SETD7: variants seen among roughly 807,000 people sequenced by gnomAD.
SETD7 encodes the protein SET domain containing 7, histone lysine methyltransferase.
Under a neutral mutation model 41.8 loss-of-function variants are expected in SETD7, and 16 were observed. The ratio of observed to expected loss-of-function variants is 0.38; its 90% CI spans 0.26 to 0.58. The LOEUF is 0.58. Ranked by LOEUF, SETD7 falls within the 20% of genes least tolerant of loss-of-function variation. SETD7 has a pLI of 0.64. For missense variants in SETD7, 346 were observed against 459.7 expected, an observed-to-expected ratio of 0.75 and a Z score of 2.26; for synonymous variants, 163 against 169.7, an observed-to-expected ratio of 0.96 and a Z score of 0.31.
rs117872700 is a variant in SETD7 at position 139,537,289 on chromosome 4, T to A, written c.171-3923A>T. 2.0e-3 allele frequency among the ~76,000 whole-genome samples: 307 copies of A among 152,302 alleles called. 5 individuals are homozygous for A. The East Asian group carries it at 0.055, about 27-fold the overall frequency. The stretch of plus-strand genomic sequence containing the variant: ...CGCGCCTGGCTGCACCACTGCCCTC[T>A]AACCTGGGCAACAGAGCGAGACTTG... On this transcript the variant is annotated intron_variant, in intron 2 of 7. Transcript: ENST00000274031.
chr4:139,535,360 A>G (rs144279614), intron 2 of SETD7, among the ~76,000 whole-genome samples: 39 of 152,320 alleles, frequency 2.6e-4, no homozygotes, highest in Non-Finnish European at 5.3e-4. Context: ...GCAAATTCCA[A>G]TTTAACTGGG....
intron 7 of SETD7, among the ~76,000 whole-genome samples, chr4:139,498,917 C>A (rs1726517126): frequency 6.6e-6 from 1 of 152,228 alleles, no homozygotes; most frequent in East Asian, 1.9e-4. Flanking sequence ...TGGAGACCAG[C>A]CTGGCCAACA....
intron 2 of SETD7, among the ~76,000 whole-genome samples, chr4:139,538,470 C>G (rs1727699472): frequency 6.6e-6 from 1 of 152,134 alleles, no homozygotes; most frequent in South Asian, 2.1e-4. Context: ...GCTGGGATTA[C>G]AGGTGTGTGC....
intron 6 of SETD7, 140 bp downstream of exon 6, chr4:139,520,137 G>A (rs1727139645): frequency 1.3e-5 from 7 of 538,454 alleles, no homozygotes; most frequent in Non-Finnish European, 2.3e-5. Context: ...AAAATAAAGA[G>A]GATGAAAATG....
chr4:139,500,044 A>G (rs1030168112), intron 7 of SETD7, among the ~76,000 whole-genome samples: 8 of 152,158 alleles, frequency 5.3e-5, no homozygotes, highest in Non-Finnish European at 8.8e-5. Context: ...TCATCATTCT[A>G]AAGGCTCTTG....
rs1727408909 is a variant in SETD7, at chr4:139,529,070, T to C, written c.523A>G (p.Thr175Ala). 1.9e-6 allele frequency: 3 copies of C among 1,614,050 alleles called. No homozygotes were observed. The highest frequency in any genetic ancestry group is 2.5e-6 in the Non-Finnish European group (3 of 1,179,980). The change falls in exon 4 of 8, where the codon ACT (threonine) becomes GCT (alanine). Residue 175 changes from threonine to alanine, a missense_variant. Thr to Ala is a moderately conservative substitution (Grantham distance 58). Around this residue, in one of 3 missense-constraint regions of SETD7, gnomAD observed 266 missense variants for 377.0 expected, o/e 0.71. Coordinates refer to ENST00000274031, the MANE Select transcript of SETD7 (RefSeq NM_030648.4). ...IEGKLATLMS[T>A]EEGRPHFELM... ...TCAAAGTGAGGCCTCCCTTCTTCAG[T>C]GGACATAAGGGTAGCCAGTTTGCCT...
chr4:139,524,314 C>T (rs939784627), intron 4 of SETD7, among the ~76,000 whole-genome samples: 3 of 152,200 alleles, frequency 2.0e-5, no homozygotes, highest in Non-Finnish European at 4.4e-5. Flanking sequence ...AGTGTCCGCA[C>T]AGAAACGGAC....
chr4:139,497,600 T>G (rs922007189), intron 7 of SETD7, among the ~76,000 whole-genome samples: 1 of 151,908 alleles, frequency 6.6e-6, no homozygotes, highest in Admixed American at 6.6e-5. Context: ...TTTTTTTGTT[T>G]TTTTTTTAGA....
intron 6 of SETD7, among the ~76,000 whole-genome samples, chr4:139,518,744 C>T (rs1288577007): frequency 6.6e-6 from 1 of 152,154 alleles, no homozygotes; most frequent in African/African-American, 2.4e-5. Context: ...AGTCCTCCAC[C>T]TTTGTTACAG....
At position 139,507,385 on chromosome 4, in the gene SETD7, C is replaced by G. The variant is rs1726734752; in HGVS notation, c.*4278G>C. ...CTACGAGCTCTCTCCACGTCAGGTGCAACAACGCCGAGGAAGTTGCTGAGA... is the reference window on the plus strand; with the variant it reads ...CTACGAGCTCTCTCCACGTCAGGTGGAACAACGCCGAGGAAGTTGCTGAGA... On this transcript the variant is annotated 3_prime_UTR_variant, in exon 8 of 8. Coordinates refer to ENST00000274031, the MANE Select transcript of SETD7 (RefSeq NM_030648.4). The G allele has an allele frequency of 6.6e-6, 1 of 152,542 alleles. No individual in the cohort carries two copies. Among genetic ancestry groups the G allele is most frequent in the Admixed American group, 6.5e-5 (1 of 15,288 alleles). The allele number at this position is 152,542 out of a possible 1,614,324, so 9.4% of individuals were successfully genotyped here. A position where few individuals can be genotyped will look rare whatever the true frequency, so the allele number is the denominator to read the frequency against.
intron 2 of SETD7, among the ~76,000 whole-genome samples, chr4:139,541,533 G>A (rs1437714499): frequency 3.3e-5 from 5 of 152,082 alleles, no homozygotes; most frequent in African/African-American, 9.7e-5. Flanking sequence ...CCTTTATCTC[G>A]GGACCGAGTG....
chr4:139,508,136 TA>T lies in SETD7; in HGVS notation c.*3526del, dbSNP rs1280673142. ...TCACTGTTCACAATTAATGCAATTTTAATAGTTATATTTAAATGTTAAAAAT... is the reference window on the plus strand; with the variant it reads ...TCACTGTTCACAATTAATGCAATTTTATAGTTATATTTAAATGTTAAAAAT... On this transcript the variant is annotated 3_prime_UTR_variant, in exon 8 of 8. Coordinates refer to ENST00000274031, the MANE Select transcript of SETD7 (RefSeq NM_030648.4). The T allele has an allele frequency of 6.6e-6, 1 of 152,220 alleles. No individual in the cohort carries two copies. Among genetic ancestry groups the T allele is most frequent in the African/African-American group, 2.4e-5 (1 of 41,454 alleles). 9.4% of individuals were successfully genotyped at this position (152,220 alleles called of 1,614,324 possible). A position where few individuals can be genotyped will look rare whatever the true frequency, so the allele number is the denominator to read the frequency against.
intron 2 of SETD7, among the ~76,000 whole-genome samples, chr4:139,535,920 C>T (rs928915344): frequency 3.9e-5 from 6 of 152,092 alleles, no homozygotes; most frequent in African/African-American, 4.8e-5. Context: ...ATAAAATATA[C>T]GTTTCTTAGA....
chr4:139,529,325 T>A, intron 3 of SETD7, 105 bp from the exon 4 acceptor site: 1 of 839,868 alleles, frequency 1.2e-6, no homozygotes, highest in Non-Finnish European at 1.8e-6. Context: ...ATAGCACCAG[T>A]AGGGATAATA....
At chr4:139,525,157 T>C (rs767521255) in intron 4 of SETD7, among the ~76,000 whole-genome samples, 1 of 152,192 alleles carries the variant, frequency 6.6e-6, no homozygotes. Flanking sequence ...GTGGAATGTA[T>C]GTTCTATTGA....
chr4:139,551,446 G>A (rs190632156), intron 1 of SETD7, among the ~76,000 whole-genome samples: 1 of 152,312 alleles, frequency 6.6e-6, no homozygotes, highest in East Asian at 1.9e-4. Flanking sequence ...TTTATTCTAT[G>A]GTCATTATCT....
downstream of SETD7, among the ~76,000 whole-genome samples, chr4:139,501,551 CA>C (rs1726576005): frequency 6.6e-6 from 1 of 151,108 alleles, no homozygotes; most frequent in South Asian, 2.1e-4. Context: ...CTCCATGTAA[CA>C]AAAAACCACT....
chr4:139,541,935 A>C (rs1727789332), intron 2 of SETD7, among the ~76,000 whole-genome samples: 1 of 152,166 alleles, frequency 6.6e-6, no homozygotes, highest in Admixed American at 6.6e-5. Flanking sequence ...AGGTATGTGC[A>C]CTCCCATGTT....
At chr4:139,513,051 G>A in intron 7 of SETD7, among the ~76,000 whole-genome samples, 1 of 152,016 alleles carries the variant, frequency 6.6e-6, no homozygotes, top group East Asian at 1.9e-4. Context: ...GAGCCACTGT[G>A]CCCAGTTTAT....
Sources: allele counts gnomAD v4.1 joint callset (sites outside exome capture counted in the v4.1 genomes callset), GRCh38; gene constraint gnomAD v4.1.1; regional missense constraint gnomAD v4.1.1; transcripts MANE v1.5; gene names NCBI Gene and HGNC (gene_info 2026-07-23, HGNC 2026-07-21).